Variants in ATP8A2 observed in about 807,000 individuals in gnomAD.
ATP8A2 encodes ATPase phospholipid transporting 8A2, also known as phospholipid-transporting ATPase IB.
In ATP8A2, 100 loss-of-function variants were observed where a neutral mutation model predicts 165.6. The ratio of observed to expected loss-of-function variants is 0.60; its 90% CI spans 0.51 to 0.71. The LOEUF is 0.71. Among genes scored for constraint, ATP8A2 ranks in the 30% least tolerant of loss-of-function variants. The probability of loss-of-function intolerance (pLI) is 0.00; values close to 1 mark genes in which losing one functional copy is unlikely to be tolerated. For missense variants in ATP8A2, 1,227 were observed against 1,479.5 expected (o/e 0.83, Z 2.80); for synonymous variants, 543 against 548.8 (o/e 0.99, Z 0.15).
chr13:25,847,129 G>C (rs1377132929), intron 30 of ATP8A2, among the ~76,000 whole-genome samples: 1 of 152,244 alleles, frequency 6.6e-6, no homozygotes, highest in Non-Finnish European at 1.5e-5. Context: ...GGAGGACAGA[G>C]TGTGGTGGAA....
At chr13:25,511,670 TTTC>T (rs1432325914) in intron 2 of ATP8A2, among the ~76,000 whole-genome samples, 1 of 152,234 alleles carries the variant, frequency 6.6e-6, no homozygotes. Flanking sequence ...CTTCATTTTT[TTTC>T]TTCTTATAAA....
intron 1 of ATP8A2, among the ~76,000 whole-genome samples, chr13:25,464,885 G>A (rs2035594845): frequency 6.6e-6 from 1 of 152,232 alleles, no homozygotes; most frequent in Non-Finnish European, 1.5e-5. Flanking sequence ...CAGGGATAGA[G>A]CTATGAATGA....
intron 35 of ATP8A2, among the ~76,000 whole-genome samples, chr13:26,008,066 A>G (rs1956777974): frequency 6.6e-6 from 1 of 152,180 alleles, no homozygotes; most frequent in African/African-American, 2.4e-5. Context: ...GCTACATGCT[A>G]ATATATTAAT....
chr13:25,713,648 C>G (rs2043197454), intron 25 of ATP8A2, among the ~76,000 whole-genome samples: 1 of 152,162 alleles, frequency 6.6e-6, no homozygotes, highest in Admixed American at 6.5e-5. Context: ...TCACAAGTCT[C>G]CTAAGGATTA....
chr13:25,522,794 T>C (rs1357228440), intron 2 of ATP8A2, among the ~76,000 whole-genome samples: 1 of 152,178 alleles, frequency 6.6e-6, no homozygotes, highest in East Asian at 1.9e-4. Flanking sequence ...TTTAATATGT[T>C]GGTGAATTCA....
chr13:25,773,376 G>A (rs752079226), intron 26 of ATP8A2, among the ~76,000 whole-genome samples: 7 of 152,254 alleles, frequency 4.6e-5, no homozygotes, highest in Non-Finnish European at 7.4e-5. Context: ...AGAGAAACTC[G>A]TTTCCCTCCC....
intron 33 of ATP8A2, among the ~76,000 whole-genome samples, chr13:25,893,403 G>A (rs1275253599): frequency 6.6e-6 from 1 of 151,808 alleles, no homozygotes; most frequent in Non-Finnish European, 1.5e-5. Flanking sequence ...TGGCTGCATA[G>A]TATTCCATGG....
chr13:25,523,693 G>T (rs1255112743), intron 2 of ATP8A2, among the ~76,000 whole-genome samples: 19 of 151,872 alleles, frequency 1.3e-4, no homozygotes, highest in Admixed American at 1.2e-3. Context: ...TTTTGTGTGT[G>T]TATTTCTGTG....
intron 6 of ATP8A2, 49 bp downstream of exon 6, chr13:25,533,362 G>A (rs527929841): frequency 3.6e-5 from 37 of 1,034,754 alleles, no homozygotes; most frequent in East Asian, 7.2e-5. Context: ...TTGAAGACGC[G>A]TAATGAATTG....
At chr13:25,971,469 T>C (rs1955911619) in intron 35 of ATP8A2, among the ~76,000 whole-genome samples, 1 of 152,120 alleles carries the variant, frequency 6.6e-6, no homozygotes, top group Non-Finnish European at 1.5e-5. Flanking sequence ...TTTTTGTCTC[T>C]TCTCACCCCT....
intron 20 of ATP8A2, among the ~76,000 whole-genome samples, chr13:25,578,436 A>G (rs2039679328): frequency 6.6e-6 from 1 of 152,144 alleles, no homozygotes; most frequent in African/African-American, 2.4e-5. Context: ...GGGAGGCAGG[A>G]TTGTACTTGA....
At chr13:25,557,906 AAT>A (rs2039028175) in intron 13 of ATP8A2, among the ~76,000 whole-genome samples, 1 of 151,884 alleles carries the variant, frequency 6.6e-6, no homozygotes, top group African/African-American at 2.4e-5. Flanking sequence ...GTTCATTAAA[AAT>A]TTTTTTTTTT....
At chr13:25,477,528 G>A (rs986797027) in intron 2 of ATP8A2, among the ~76,000 whole-genome samples, 3 of 152,232 alleles carry the variant, frequency 2.0e-5, no homozygotes, top group Admixed American at 2.0e-4. Flanking sequence ...CATTGTGCCA[G>A]TGTTACTTTC....
chr13:25,437,356 G>C (rs989186823), intron 1 of ATP8A2, among the ~76,000 whole-genome samples: 1 of 152,126 alleles, frequency 6.6e-6, no homozygotes, highest in Non-Finnish European at 1.5e-5. Flanking sequence ...TTCTCAATCA[G>C]ATTCAGAATT....
chr13:25,845,876 G>A (rs926973214), intron 30 of ATP8A2, among the ~76,000 whole-genome samples: 1 of 152,116 alleles, frequency 6.6e-6, no homozygotes, highest in Non-Finnish European at 1.5e-5. Flanking sequence ...ACTCATTTTT[G>A]TAAAAAGATA....
chr13:25,615,005 C>A (rs973658727), intron 24 of ATP8A2, among the ~76,000 whole-genome samples: 4 of 152,180 alleles, frequency 2.6e-5, no homozygotes, highest in African/African-American at 7.2e-5. Flanking sequence ...AAGAGACCAT[C>A]GGCTTTGGTA....
chr13:25,920,523 A>T (rs1954419113), intron 33 of ATP8A2, among the ~76,000 whole-genome samples: 1 of 152,096 alleles, frequency 6.6e-6, no homozygotes. Context: ...CCACCAGCTC[A>T]CAGAGCCAAA....
chr13:25,688,479 A>C lies in ATP8A2; in HGVS notation c.2212-10694A>C, dbSNP rs73478826. On this transcript the variant is annotated intron_variant, in intron 24 of 36. Transcript: ENST00000381655. ...ACCGTGGAAATGAGATGTTTTCTAC[A>C]TTTTTTGCTTATTTTTTTCACTTAC... 3.3e-3 allele frequency among the ~76,000 whole-genome samples: 498 copies of C among 152,164 alleles called. 2 individuals carry two copies. Among genetic ancestry groups the C allele is most frequent in the African/African-American group, 0.011 (467 of 41,486 alleles).
At chr13:25,643,701 C>A (rs1424353260) in intron 24 of ATP8A2, among the ~76,000 whole-genome samples, 1 of 151,058 alleles carries the variant, frequency 6.6e-6, no homozygotes, top group Admixed American at 6.6e-5. Flanking sequence ...TGATACCTCC[C>A]ACTGTGTTCT....
Sources: allele counts gnomAD v4.1 joint callset (sites outside exome capture counted in the v4.1 genomes callset), GRCh38; gene constraint gnomAD v4.1.1; transcripts MANE v1.5; gene names NCBI Gene and HGNC (gene_info 2026-07-23, HGNC 2026-07-21).